The following SUMF1 variants were observed in gnomAD, a reference collection of about 807,000 sequenced individuals.
SUMF1 encodes the protein formylglycine-generating enzyme.
A neutral mutation model predicts 47.6 loss-of-function variants in SUMF1; 48 were observed. The ratio of observed to expected loss-of-function variants is 1.01; its 90% CI spans 0.80 to 1.28. The LOEUF is 1.28. SUMF1 is among the 50% of genes most tolerant of loss of function. The pLI is 0.00. For synonymous variants in SUMF1, 230 were observed against 192.1 expected (o/e 1.20, Z -1.63); for missense variants, 571 against 485.4 (o/e 1.18, Z -1.66).
chr3:4,246,870 T>A (rs189620353), intron 8 of SUMF1, among the ~76,000 whole-genome samples: 147 of 152,334 alleles, frequency 9.6e-4, no homozygotes, highest in Non-Finnish European at 1.6e-3. Flanking sequence ...AATTCAGCGC[T>A]AATTCTATAA....
chr3:4,131,886 C>G (rs984348680), intron 8 of SUMF1, among the ~76,000 whole-genome samples: 1 of 152,118 alleles, frequency 6.6e-6, no homozygotes, highest in Non-Finnish European at 1.5e-5. Context: ...GGACCATGAA[C>G]AAAGTGGCCA....
chr3:4,395,965 T>C (rs1005297249), intron 7 of SUMF1, among the ~76,000 whole-genome samples: 1 of 152,252 alleles, frequency 6.6e-6, no homozygotes, highest in African/African-American at 2.4e-5. Context: ...AACAAATTTT[T>C]GATACAGATT....
intron 3 of SUMF1, among the ~76,000 whole-genome samples, chr3:4,424,455 G>A (rs2125054677): frequency 6.6e-6 from 1 of 152,270 alleles, no homozygotes; most frequent in South Asian, 2.1e-4. Flanking sequence ...TGTGGCCAAA[G>A]CATGAGAAAG....
At chr3:4,099,633 A>C (rs1692985872) in intron 8 of SUMF1, among the ~76,000 whole-genome samples, 1 of 152,142 alleles carries the variant, frequency 6.6e-6, no homozygotes. Flanking sequence ...AGAGAAAGAA[A>C]TACAATGTAT....
chr3:4,410,116 C>T (rs1701494472), intron 7 of SUMF1, among the ~76,000 whole-genome samples: 1 of 152,066 alleles, frequency 6.6e-6, no homozygotes, highest in Non-Finnish European at 1.5e-5. Flanking sequence ...TGATATTCTC[C>T]CCCCCAATCT....
At chr3:4,206,747 A>G (rs940568617) in intron 8 of SUMF1, among the ~76,000 whole-genome samples, 1 of 151,998 alleles carries the variant, frequency 6.6e-6, no homozygotes, top group African/African-American at 2.4e-5. Flanking sequence ...CTGAACAACT[A>G]TTGTGGGGGA....
chr3:4,200,155 G>C (rs1223285864), intron 8 of SUMF1, among the ~76,000 whole-genome samples: 1 of 149,690 alleles, frequency 6.7e-6, no homozygotes, highest in Non-Finnish European at 1.5e-5. Flanking sequence ...TTTGCATATG[G>C]TGTGAGGTAA....
In SUMF1 at chr3:4,464,435, A is replaced by T. The variant is rs1426033063; in HGVS notation, c.270+2541T>A. 2.7e-5 allele frequency among the ~76,000 whole-genome samples: 4 copies of T among 148,594 alleles called. No homozygotes were observed. In the East Asian group the frequency reaches 8.1e-4, roughly 30 times the overall value. On this transcript the variant is annotated intron_variant, in intron 1 of 8. Coordinates refer to ENST00000272902, the MANE Select transcript of SUMF1 (RefSeq NM_182760.4). ...GTTTGTGTGTGTGTGTGTGTGTGAG[A>T]GAGAGAGAAACACCTACCAGAGTGT...
At chr3:4,452,114 A>G (rs1428303948) in intron 2 of SUMF1, among the ~76,000 whole-genome samples, 1 of 152,138 alleles carries the variant, frequency 6.6e-6, no homozygotes, top group African/African-American at 2.4e-5. Flanking sequence ...TAATTTACAA[A>G]AAGACATTTG....
At chr3:4,061,150 T>C (rs761264871) in intron 9 of SUMF1, among the ~76,000 whole-genome samples, 1 of 152,188 alleles carries the variant, frequency 6.6e-6, no homozygotes, top group Non-Finnish European at 1.5e-5. Context: ...TGATCCAGAA[T>C]AGCTTCAGAG....
chr3:4,419,333 T>C lies in SUMF1; in HGVS notation c.602+731A>G, dbSNP rs111765898. On this transcript the variant is annotated intron_variant, in intron 4 of 8. Transcript: ENST00000272902. ...TGTCAAGGGGCTATATCCCTAAAGCTGAACTTCCTATACTCGCAGCTCCCC... is the reference window on the plus strand; with the variant it reads ...TGTCAAGGGGCTATATCCCTAAAGCCGAACTTCCTATACTCGCAGCTCCCC... Among the ~76,000 whole-genome samples, 385 of 152,278 alleles carry C rather than the reference T, an allele frequency of 2.5e-3. 3 individuals carry two copies. Among genetic ancestry groups the C allele is most frequent in the African/African-American group, 8.9e-3 (369 of 41,542 alleles).
At chr3:4,424,777 T>C (rs928644173) in intron 3 of SUMF1, among the ~76,000 whole-genome samples, 1 of 152,166 alleles carries the variant, frequency 6.6e-6, no homozygotes, top group Non-Finnish European at 1.5e-5. Flanking sequence ...TTTGTTAGTA[T>C]CATCAGGAAA....
chr3:4,291,973 G>C (rs994883843), intron 8 of SUMF1, among the ~76,000 whole-genome samples: 4 of 152,112 alleles, frequency 2.6e-5, no homozygotes, highest in African/African-American at 9.7e-5. Context: ...TAGATACAAG[G>C]TTGCTTCCAG....
chr3:4,280,583 C>T (rs976608805), intron 8 of SUMF1, among the ~76,000 whole-genome samples: 2 of 152,030 alleles, frequency 1.3e-5, no homozygotes, highest in Non-Finnish European at 2.9e-5. Flanking sequence ...AAAAGGTTTG[C>T]GTATCAGTTT....
intron 8 of SUMF1, among the ~76,000 whole-genome samples, chr3:4,275,238 A>T (rs1697387794): frequency 6.6e-6 from 1 of 152,190 alleles, no homozygotes; most frequent in Non-Finnish European, 1.5e-5. Context: ...CTCTAAACAC[A>T]GTTTTAGTTT....
chr3:4,183,120 G>C (rs1695131751), intron 8 of SUMF1, among the ~76,000 whole-genome samples: 1 of 152,138 alleles, frequency 6.6e-6, no homozygotes, highest in Non-Finnish European at 1.5e-5. Flanking sequence ...AGTGCTAGCA[G>C]GTATTGAGCT....
intron 8 of SUMF1, among the ~76,000 whole-genome samples, chr3:4,356,024 T>C (rs1297646670): frequency 6.6e-6 from 1 of 152,250 alleles, no homozygotes; most frequent in Non-Finnish European, 1.5e-5. Flanking sequence ...TGTAATGATT[T>C]TGCTTAATCA....
intron 8 of SUMF1, among the ~76,000 whole-genome samples, chr3:4,347,360 G>A (rs1699395410): frequency 6.6e-6 from 1 of 152,174 alleles, no homozygotes; most frequent in Non-Finnish European, 1.5e-5. Flanking sequence ...TCATCACTGG[G>A]ATGCAAGGGT....
Position 4,343,762 on chromosome 3 carries a change from G to A in SUMF1, c.1014+32568C>T, listed in dbSNP as rs561544483. Reference sequence around the variant, plus strand: ...GGGCTGTCAATATCCAACACAATTTGAAATAACCATATGTTTTGATGCAGC... The same window carrying A: ...GGGCTGTCAATATCCAACACAATTTAAAATAACCATATGTTTTGATGCAGC... On this transcript the variant is annotated intron_variant and NMD_transcript_variant, in intron 8 of 12. Coordinates refer to the SUMF1 transcript ENST00000448413. 2.6e-5 allele frequency among the ~76,000 whole-genome samples: 4 copies of A among 152,294 alleles called. No individual in the cohort carries two copies. In the South Asian group the frequency reaches 8.3e-4, roughly 32 times the overall value.
Sources: gnomAD v4.1 joint callset for allele counts (sites outside exome capture counted in the v4.1 genomes callset) on GRCh38, gnomAD v4.1.1 for gene constraint, MANE v1.5 for transcripts, NCBI Gene and HGNC (gene_info 2026-07-23, HGNC 2026-07-21) for gene names.